The following RBM34 variants were observed in gnomAD, a reference collection of about 807,000 sequenced individuals.
RBM34 encodes RNA binding motif protein 34.
Under a neutral mutation model 44.6 loss-of-function variants are expected in RBM34, and 39 were observed. The ratio of observed to expected loss-of-function variants is 0.87; its 90% confidence interval spans 0.68 to 1.14. The LOEUF (loss-of-function observed/expected upper bound fraction) is 1.14. RBM34 is among the 50% of genes most tolerant of loss of function. The pLI is 0.00. For missense variants in RBM34, 572 were observed against 517.9 expected, an observed-to-expected ratio of 1.10 and a Z score of -1.01; for synonymous variants, 194 against 184.0, an observed-to-expected ratio of 1.05 and a Z score of -0.44.
intron 5 of RBM34, among the ~76,000 whole-genome samples, chr1:235,151,892 G>T (rs1204547392): frequency 6.6e-6 from 1 of 152,054 alleles, no homozygotes; most frequent in Non-Finnish European, 1.5e-5. Flanking sequence ...AATTAGCCGG[G>T]CATGGTAGCG....
chr1:235,158,750 G>A (rs1662560656), intron 3 of RBM34, among the ~76,000 whole-genome samples: 2 of 152,172 alleles, frequency 1.3e-5, no homozygotes, highest in Non-Finnish European at 2.9e-5. Context: ...GCAAAGAAGA[G>A]AGGAATGAAG....
Position 235,131,680 on chromosome 1 carries a change from C to A in RBM34, c.*33G>T. 6.4e-7 allele frequency: 1 copy of A among 1,564,232 alleles called. No homozygotes were observed. The highest frequency in any genetic ancestry group is 1.2e-5 in the South Asian group (1 of 81,840). ...GATAATAGCACTTTTATTAGCAGTA[C>A]TCAGCAGGAAAAGAAAAAGCAGTTC... On this transcript the variant is annotated 3_prime_UTR_variant, in exon 11 of 11. Coordinates refer to ENST00000408888, the MANE Select transcript of RBM34 (RefSeq NM_015014.4).
At chr1:235,159,541 C>T (rs2102868246) in intron 3 of RBM34, among the ~76,000 whole-genome samples, 1 of 147,208 alleles carries the variant, frequency 6.8e-6, no homozygotes, top group Admixed American at 6.8e-5. Flanking sequence ...GAGTGAGACT[C>T]CAGCTCAAAA....
chr1:235,160,981 T>C lies in RBM34; in HGVS notation c.140A>G (p.His47Arg). 1 of 1,614,102 alleles carries C rather than the reference T, an allele frequency of 6.2e-7. No homozygotes were observed. Among genetic ancestry groups the C allele is most frequent in the South Asian group, 1.1e-5 (1 of 91,082 alleles). The change falls in exon 2 of 11, where the codon CAC becomes CGC. Residue 47 changes from histidine to arginine, a missense_variant. By Grantham distance (29) the His-to-Arg change is conservative. Transcript: ENST00000408888. The stretch of plus-strand genomic sequence containing the variant: ...CCGACCGGTGCCACCTCTGGAATGG[T>C]GTTCGCCGCGAAATAAGCTACTGGC... ...QVASSLFRGE[H>R]HSRGGTGRLA...
At chr1:235,132,058 G>A in intron 10 of RBM34, 61 bp from the exon 11 acceptor site, 17 of 1,440,688 alleles carry the variant, frequency 1.2e-5, no homozygotes, top group Non-Finnish European at 1.6e-5. Context: ...AGAAACTAGT[G>A]AAAGTGTCAC....
At position 235,152,458 on chromosome 1, in the gene RBM34, C is replaced by CA. The variant is rs1368076296; in HGVS notation, c.657+247dup. 6 of 1,170,720 alleles carry CA rather than the reference C, an allele frequency of 5.1e-6. No homozygotes were observed. The African/African-American group carries it at 9.7e-5, about 19-fold the overall frequency. The allele number at this position is 1,170,720 out of a possible 1,614,324, so 72.5% of individuals were successfully genotyped here. ...TGACACAGTAAATAAGTCACCCATC[C>CA]ACCCTCCAAAGTACATTGCAGGCTT... is the stretch of plus-strand genomic sequence containing the variant. On this transcript the variant is annotated intron_variant, in intron 5 of 10. Coordinates refer to ENST00000408888, the MANE Select transcript of RBM34 (RefSeq NM_015014.4).
chr1:235,155,876 C>CATATATATT (rs1553275389), intron 3 of RBM34, among the ~76,000 whole-genome samples: 1 of 84,514 alleles, frequency 1.2e-5, no homozygotes, highest in African/African-American at 5.6e-5. Context: ...TACATATATA[C>CATATATATT]TTTTTTTTTT....
Position 235,135,688 on chromosome 1 carries a change from T to G in RBM34, c.972A>C (p.Thr324=). ...CATAGCCAAACCCTTTGCCGATGCC[T>G]GTCATTTTGTCTCTCACAATCCTCA... ...MAVRIVRDKM[T]GIGKGFGYVL... The change falls in exon 10 of 11, where the codon ACA becomes ACC. Residue 324 remains threonine (T), a synonymous_variant. Coordinates refer to ENST00000408888, the MANE Select transcript of RBM34 (RefSeq NM_015014.4). 23 of 1,614,208 alleles carry G rather than the reference T, an allele frequency of 1.4e-5. No homozygotes were observed. The highest frequency in any genetic ancestry group is 1.9e-5 in the Non-Finnish European group (22 of 1,180,020).
chr1:235,155,838 T>TATATATAC (rs1553275321), intron 3 of RBM34, among the ~76,000 whole-genome samples: 3 of 26,452 alleles, frequency 1.1e-4, no homozygotes, highest in Non-Finnish European at 1.4e-4. Flanking sequence ...TATATATATA[T>TATATATAC]ATATATATAT....
At chr1:235,151,808 G>A (rs753262649) in intron 5 of RBM34, among the ~76,000 whole-genome samples, 3 of 152,080 alleles carry the variant, frequency 2.0e-5, no homozygotes, top group Non-Finnish European at 2.9e-5. Context: ...TGAGGCAGGC[G>A]AATCACCTGA....
intron 5 of RBM34, chr1:235,152,477 C>A: frequency 8.0e-7 from 1 of 1,245,778 alleles, no homozygotes; most frequent in East Asian, 3.7e-5. Context: ...AAGTACATTG[C>A]AGGCTTTCAT....
chr1:235,156,736 G>C (rs752813219), intron 3 of RBM34: 5 of 409,616 alleles, frequency 1.2e-5, no homozygotes, highest in Admixed American at 3.5e-5. Flanking sequence ...TCATAAAAAT[G>C]ACTCACTCAT....
At chr1:235,158,391 G>A (rs557405263) in intron 3 of RBM34, among the ~76,000 whole-genome samples, 1 of 151,618 alleles carries the variant, frequency 6.6e-6, no homozygotes, top group Admixed American at 6.6e-5. Context: ...TCTCCAGCCT[G>A]GGCGACAACA....
At chr1:235,160,385 G>A in intron 3 of RBM34, 126 bp downstream of exon 3, 1 of 1,264,702 alleles carries the variant, frequency 7.9e-7, no homozygotes, top group Non-Finnish European at 1.1e-6. Flanking sequence ...ATATGTACTG[G>A]ATTTTCCATA....
In RBM34 at chr1:235,160,644, T is replaced by G. The variant is rs199976960; in HGVS notation, c.232A>C (p.Thr78Pro). ...QPVYVPVPKQ[T>P]IKKTKRNEEE... The stretch of plus-strand genomic sequence containing the variant: ...TCATTCCGTTTCGTTTTTTTGATGG[T>G]TTGCTTTTTAAAAGTTTGAAGTTAT... Residue 78 changes from threonine to proline, a missense_variant, in exon 3 of 11, where the codon ACC (threonine) becomes CCC (proline). Thr to Pro is a conservative substitution (Grantham distance 38). Coordinates refer to ENST00000408888, the MANE Select transcript of RBM34 (RefSeq NM_015014.4). 6.2e-7 allele frequency: 1 copy of G among 1,610,196 alleles called. No homozygotes were observed. Among genetic ancestry groups the G allele is most frequent in the Non-Finnish European group, 8.5e-7 (1 of 1,179,062 alleles).
chr1:235,136,129 A>G, intron 8 of RBM34, 56 bp from the exon 9 acceptor site: 1 of 1,463,592 alleles, frequency 6.8e-7, no homozygotes, highest in East Asian at 2.3e-5. Context: ...AATGGAAGTC[A>G]TCGAAAATCC....
Position 235,135,710 on chromosome 1 carries a change from C to G in RBM34, c.950G>C (p.Arg317Thr). Residue 317 changes from arginine (R) to threonine (T), a missense_variant, in exon 10 of 11, where the codon AGG becomes ACG. Arg to Thr is a moderately conservative substitution (Grantham distance 71). Coordinates refer to ENST00000408888, the MANE Select transcript of RBM34 (RefSeq NM_015014.4). ...FLDCGSIMAV[R>T]IVRDKMTGIG... ...GCCTGTCATTTTGTCTCTCACAATCCTCACGGCCATGATACTTCCACAGTC... is the reference window on the plus strand; with the variant it reads ...GCCTGTCATTTTGTCTCTCACAATCGTCACGGCCATGATACTTCCACAGTC... 6.2e-7 allele frequency: 1 copy of G among 1,614,222 alleles called. No homozygotes were observed. The highest frequency in any genetic ancestry group is 8.5e-7 in the Non-Finnish European group (1 of 1,180,046).
At chr1:235,148,819 C>T (rs970344612) in intron 5 of RBM34, among the ~76,000 whole-genome samples, 5 of 151,826 alleles carry the variant, frequency 3.3e-5, no homozygotes, top group Non-Finnish European at 5.9e-5. Context: ...AGGATGGTCT[C>T]GATCTCCTGA....
chr1:235,146,486 T>C (rs770159391), intron 6 of RBM34, among the ~76,000 whole-genome samples: 2 of 152,208 alleles, frequency 1.3e-5, no homozygotes, highest in Non-Finnish European at 2.9e-5. Context: ...TAAACTGTTT[T>C]ATGTGGGAAG....
Sources: gnomAD v4.1 joint callset for allele counts (sites outside exome capture counted in the v4.1 genomes callset) on GRCh38, gnomAD v4.1.1 for gene constraint, MANE v1.5 for transcripts, NCBI Gene and HGNC (gene_info 2026-07-23, HGNC 2026-07-21) for gene names.